MALRD1: variants seen among roughly 807,000 people sequenced by gnomAD.
MALRD1 encodes the protein MAM and LDL-receptor class A domain-containing protein 1.
In MALRD1, 247 loss-of-function variants were observed where a neutral mutation model predicts 242.1. The observed-to-expected ratio is 1.02, with a 90% CI of 0.92 to 1.13. The LOEUF is 1.13. Ranked by LOEUF, MALRD1 falls within the 50% of genes most tolerant of loss-of-function variation. The pLI, the probability that MALRD1 is intolerant of heterozygous loss-of-function variation, is 0.00. For missense variants in MALRD1, 2,989 were observed against 2,533.1 expected, an observed-to-expected ratio of 1.18 and a Z score of -3.86; for synonymous variants, 995 against 866.6, an observed-to-expected ratio of 1.15 and a Z score of -2.60.
chr10:19,327,999 C>A (rs1843208702), intron 23 of MALRD1, among the ~76,000 whole-genome samples: 1 of 152,060 alleles, frequency 6.6e-6, no homozygotes, highest in Non-Finnish European at 1.5e-5. Context: ...GCTTGTACAG[C>A]AATTAATTCT....
At chr10:19,126,852 C>A (rs559164372) in intron 7 of MALRD1, among the ~76,000 whole-genome samples, 1 of 152,138 alleles carries the variant, frequency 6.6e-6, no homozygotes, top group South Asian at 2.1e-4. Flanking sequence ...CACCTGTCAA[C>A]CCATTACCTA....
chr10:19,582,177 G>C (rs1277651595), intron 33 of MALRD1, among the ~76,000 whole-genome samples: 1 of 151,934 alleles, frequency 6.6e-6, no homozygotes. Flanking sequence ...TAGGTTGCCT[G>C]TTCACTCTGA....
At chr10:19,256,405 A>G (rs1839513982) in intron 18 of MALRD1, among the ~76,000 whole-genome samples, 1 of 152,120 alleles carries the variant, frequency 6.6e-6, no homozygotes. Flanking sequence ...AGTTTGGACT[A>G]AACATTCTTT....
At chr10:19,129,425 G>A (rs1453849281) in intron 8 of MALRD1, among the ~76,000 whole-genome samples, 1 of 152,058 alleles carries the variant, frequency 6.6e-6, no homozygotes, top group African/African-American at 2.4e-5. Flanking sequence ...GCATTCCCAG[G>A]TGTGCACCCT....
chr10:19,080,661 C>A (rs1248382685), intron 2 of MALRD1, among the ~76,000 whole-genome samples: 2 of 151,766 alleles, frequency 1.3e-5, no homozygotes, highest in Non-Finnish European at 2.9e-5. Flanking sequence ...AAACTATAAA[C>A]ATTCTAGAAG....
chr10:19,283,321 C>G, intron 21 of MALRD1, 140 bp downstream of exon 21: 1 of 699,630 alleles, frequency 1.4e-6, no homozygotes, highest in Non-Finnish European at 2.0e-6. Context: ...TGTTTTCTTT[C>G]ATACAAAATG....
chr10:19,448,323 T>C (rs954199588), intron 28 of MALRD1, among the ~76,000 whole-genome samples: 1 of 152,202 alleles, frequency 6.6e-6, no homozygotes, highest in Non-Finnish European at 1.5e-5. Flanking sequence ...ACTTTTTTGA[T>C]TACAAGCTTT....
intron 28 of MALRD1, among the ~76,000 whole-genome samples, chr10:19,444,110 A>G (rs1005355165): frequency 1.3e-5 from 2 of 152,092 alleles, no homozygotes; most frequent in African/African-American, 4.8e-5. Context: ...ATTCTGTTTT[A>G]TCAGAGACTA....
At chr10:19,341,793 G>T (rs1392879932) in intron 24 of MALRD1, among the ~76,000 whole-genome samples, 1 of 151,782 alleles carries the variant, frequency 6.6e-6, no homozygotes, top group African/African-American at 2.4e-5. Flanking sequence ...AAAAAACAAA[G>T]ACATTTTTAA....
chr10:19,409,027 A>T (rs778458293), intron 28 of MALRD1, among the ~76,000 whole-genome samples: 21 of 152,226 alleles, frequency 1.4e-4, no homozygotes, highest in Non-Finnish European at 3.1e-4. Flanking sequence ...TAACTGTACT[A>T]GCCATTATCT....
chr10:19,686,565 A>G (rs1842591484), intron 36 of MALRD1, among the ~76,000 whole-genome samples: 1 of 152,272 alleles, frequency 6.6e-6, no homozygotes, highest in South Asian at 2.1e-4. Flanking sequence ...TTTCTATCCA[A>G]TGGGAGACTG....
intron 32 of MALRD1, among the ~76,000 whole-genome samples, chr10:19,537,808 G>T (rs1296268403): frequency 1.3e-5 from 2 of 152,044 alleles, no homozygotes; most frequent in Admixed American, 6.6e-5. Flanking sequence ...CCTCCTGTAG[G>T]CCCTACCTTC....
At position 19,203,732 on chromosome 10, in the gene MALRD1, C is replaced by A. The variant is rs1163689730; in HGVS notation, c.1956C>A (p.Ser652=). Residue 652 remains serine (S), a synonymous_variant, in exon 15 of 40, where the codon TCC becomes TCA. Transcript: ENST00000454679. ...LPRTSTQSKF[S]KCDFEANSCD... is the part of the protein sequence containing the mutation. ...AGCCACATTTTTGTTCTTCAGTTTC[C>A]AAGTGTGACTTTGAAGCAAACAGCT... 6.5e-7 allele frequency: 1 copy of A among 1,531,826 alleles called. No individual in the cohort carries two copies. Among genetic ancestry groups the A allele is most frequent in the African/African-American group, 1.4e-5 (1 of 72,460 alleles). 94.9% of individuals were successfully genotyped at this position (1,531,826 alleles called of 1,614,324 possible). A position where few individuals can be genotyped will look rare whatever the true frequency, so the allele number is the denominator to read the frequency against.
intron 18 of MALRD1, among the ~76,000 whole-genome samples, chr10:19,221,770 A>G (rs1837563358): frequency 6.6e-6 from 1 of 152,110 alleles, no homozygotes; most frequent in Non-Finnish European, 1.5e-5. Context: ...GAATATTATT[A>G]TGGGTCATCT....
At chr10:19,145,700 A>G (rs1833705449) in intron 10 of MALRD1, among the ~76,000 whole-genome samples, 1 of 151,604 alleles carries the variant, frequency 6.6e-6, no homozygotes, top group Admixed American at 6.6e-5. Context: ...TCAGTTCCGA[A>G]TATCTAATTT....
intron 24 of MALRD1, among the ~76,000 whole-genome samples, chr10:19,344,729 G>T (rs1333038815): frequency 1.3e-5 from 2 of 149,490 alleles, no homozygotes; most frequent in Non-Finnish European, 3.0e-5. Flanking sequence ...TTGGGGGGGG[G>T]GAGTCATATT....
intron 14 of MALRD1, among the ~76,000 whole-genome samples, chr10:19,200,637 T>A (rs1271995744): frequency 7.2e-6 from 1 of 139,420 alleles, no homozygotes; most frequent in East Asian, 2.2e-4. Flanking sequence ...TCTCCCTCCC[T>A]GCTTGAGGTT....
chr10:19,276,665 A>AT (rs536768624), intron 19 of MALRD1, among the ~76,000 whole-genome samples: 1 of 151,872 alleles, frequency 6.6e-6, no homozygotes. Flanking sequence ...TCCCTTTTTA[A>AT]TTTTTTTTCA....
chr10:19,171,729 C>T (rs548407769), intron 13 of MALRD1, among the ~76,000 whole-genome samples: 8 of 137,666 alleles, frequency 5.8e-5, no homozygotes, highest in Non-Finnish European at 9.3e-5. Flanking sequence ...CACGTATATA[C>T]GTATATATAT....
Sources: allele counts gnomAD v4.1 joint callset (sites outside exome capture counted in the v4.1 genomes callset), GRCh38; gene constraint gnomAD v4.1.1; transcripts MANE v1.5; gene names NCBI Gene and HGNC (gene_info 2026-07-23, HGNC 2026-07-21).